DNAH6: variants seen among roughly 807,000 people sequenced by gnomAD.
DNAH6 encodes axonemal beta dynein heavy chain 6.
Under a neutral mutation model 491.4 loss-of-function variants are expected in DNAH6, and 340 were observed. That is an observed-to-expected ratio of 0.69 (90% CI 0.63 to 0.76). DNAH6 has a LOEUF of 0.76. Ranked by LOEUF, DNAH6 falls within the 30% of genes least tolerant of loss-of-function variation. The pLI is 0.00. For synonymous variants in DNAH6, 1,603 were observed against 1,686.1 expected (o/e 0.95, Z 1.21); for missense variants, 4,443 against 4,972.2 (o/e 0.89, Z 3.20).
upstream of DNAH6, among the ~76,000 whole-genome samples, chr2:84,513,562 A>T (rs1434243053): frequency 6.6e-6 from 1 of 152,176 alleles, no homozygotes; most frequent in Non-Finnish European, 1.5e-5. Flanking sequence ...TATTTTATGT[A>T]TTCTATATTT....
At chr2:84,514,372 C>T (rs1215714268), upstream of DNAH6, among the ~76,000 whole-genome samples, 1 of 152,100 alleles carries the variant, frequency 6.6e-6, no homozygotes, top group African/African-American at 2.4e-5. Flanking sequence ...GCCTCAATTT[C>T]CTATCTGTGG....
chr2:84,655,039 C>T (rs1690811080), intron 35 of DNAH6, among the ~76,000 whole-genome samples: 1 of 152,026 alleles, frequency 6.6e-6, no homozygotes, highest in South Asian at 2.1e-4. Flanking sequence ...CTGGCTTCTC[C>T]CCAGACTAGA....
intron 32 of DNAH6, 27 bp from the exon 33 acceptor site, chr2:84,641,920 T>A (rs1453298011): frequency 6.6e-7 from 1 of 1,518,882 alleles, no homozygotes; most frequent in East Asian, 2.5e-5. Flanking sequence ...TCTTGTGATA[T>A]TATCCGAAAT....
the DNAH6 span, among the ~76,000 whole-genome samples, chr2:84,492,781 A>G: frequency 6.6e-6 from 1 of 152,294 alleles, no homozygotes; most frequent in African/African-American, 2.4e-5. Context: ...GTGTGTCACT[A>G]TCTTCTTACC....
intron 61 of DNAH6, among the ~76,000 whole-genome samples, chr2:84,729,472 C>T (rs188986966): frequency 6.6e-6 from 1 of 152,274 alleles, no homozygotes; most frequent in African/African-American, 2.4e-5. Flanking sequence ...GCCTTATCAA[C>T]AGCTCTGCTT....
Position 84,552,923 on chromosome 2 carries a change from C to G in DNAH6, c.1491C>G (p.Thr497=), listed in dbSNP as rs1330560749. 5 of 1,602,348 alleles carry G rather than the reference C, an allele frequency of 3.1e-6. No individual in the cohort carries two copies. The highest frequency in any genetic ancestry group is 3.4e-6 in the Non-Finnish European group (4 of 1,171,450). The change falls in exon 10 of 77, where the codon ACC becomes ACG. Residue 497 remains threonine (T), a synonymous_variant. Transcript: ENST00000389394. The part of the protein sequence containing the change: ...EKPEVPDKKG[T]LMVEKQEEDE... ...TGTACATATATTCATTTCAGGGGAC[C>G]CTTATGGTGGAAAAGCAAGAAGAAG...
intron 37 of DNAH6, 30 bp downstream of exon 37, chr2:84,659,199 TA>T (rs1691248596): frequency 8.4e-7 from 1 of 1,191,846 alleles, no homozygotes; most frequent in Non-Finnish European, 1.1e-6. Context: ...TATTTTAACA[TA>T]ATAATTCTGA....
At chr2:84,677,459 A>G (rs1693354042) in intron 41 of DNAH6, among the ~76,000 whole-genome samples, 2 of 152,152 alleles carry the variant, frequency 1.3e-5, no homozygotes, top group South Asian at 4.1e-4. Flanking sequence ...ATCACTACCC[A>G]GCCCCTGCCT....
Position 84,784,793 on chromosome 2 carries a change from C to T in DNAH6, c.10936C>T (p.Leu3646Phe). 1 of 1,548,760 alleles carries T rather than the reference C, an allele frequency of 6.5e-7. No individual in the cohort carries two copies. Among genetic ancestry groups the T allele is most frequent in the Non-Finnish European group, 8.7e-7 (1 of 1,144,638 alleles). Residue 3646 changes from leucine to phenylalanine, a missense_variant, in exon 66 of 77, where the codon CTT becomes TTT. Leu to Phe is a conservative substitution (Grantham distance 22, BLOSUM62 0). Transcript: ENST00000389394. ...TAGTAATACATTTCCTGTTACAGTT[C>T]TTCAAAATTCTGTCAAGGTAATGTA... is the stretch of plus-strand genomic sequence containing the variant. ...MPSNTFPVTV[L>F]QNSVKVTNEP...
chr2:84,787,520 T>C (rs1677325328), intron 68 of DNAH6, among the ~76,000 whole-genome samples: 1 of 137,334 alleles, frequency 7.3e-6, no homozygotes, highest in African/African-American at 2.9e-5. Flanking sequence ...GCTTTCTCAA[T>C]AATAATAATA....
Position 84,579,540 on chromosome 2 carries a change from T to C in DNAH6, c.2090T>C (p.Met697Thr). 1 of 1,613,882 alleles carries C rather than the reference T, an allele frequency of 6.2e-7. No individual in the cohort carries two copies. The highest frequency in any genetic ancestry group is 1.1e-5 in the South Asian group (1 of 91,030). Reference sequence around the variant, plus strand: ...TTTCTTTCTTAGGTGCTAAATTTTATGCTTCCTCGTCAAAGCAAGAAAAAA... The same window carrying C: ...TTTCTTTCTTAGGTGCTAAATTTTACGCTTCCTCGTCAAAGCAAGAAAAAA... Reference protein sequence around the residue: ...PLRCLEVLNFMLPRQSKKKVD... With the variant: ...PLRCLEVLNFTLPRQSKKKVD... Residue 697 changes from methionine to threonine, a missense_variant, in exon 14 of 77, where the codon ATG becomes ACG. This residue lies in a region of DNAH6 where 2,977 missense variants were observed against 3,296.6 expected (regional missense o/e 0.90). Transcript: ENST00000389394.
chr2:84,803,836 G>A lies in DNAH6; in HGVS notation c.11482-1829G>A, dbSNP rs116341212. Among the ~76,000 whole-genome samples the A allele has an allele frequency of 3.3e-3, 507 of 152,074 alleles. 1 individual carries two copies. The highest frequency in any genetic ancestry group is 0.011 in the African/African-American group (462 of 41,472). On this transcript the variant is annotated intron_variant, in intron 70 of 76. Transcript: ENST00000389394. ...TGGTAATACCCAGTTTTAAAATATC[G>A]CCTCTACTTAATCTATCATTTAAAG... is the stretch of plus-strand genomic sequence containing the variant.
At chr2:84,539,635 C>G (rs1250427017) in intron 4 of DNAH6, among the ~76,000 whole-genome samples, 3 of 152,096 alleles carry the variant, frequency 2.0e-5, no homozygotes, top group Non-Finnish European at 4.4e-5. Context: ...GATGGTTAAA[C>G]CCCTAGATGA....
intron 37 of DNAH6, among the ~76,000 whole-genome samples, chr2:84,668,205 G>A (rs1220432592): frequency 6.6e-6 from 1 of 152,074 alleles, no homozygotes; most frequent in African/African-American, 2.4e-5. Flanking sequence ...AAACTTGCAC[G>A]TTGTGCACAT....
At chr2:84,484,105 C>G in the DNAH6 span, among the ~76,000 whole-genome samples, 2 of 152,158 alleles carry the variant, frequency 1.3e-5, no homozygotes, top group Admixed American at 1.3e-4. Context: ...TCTTGCTAAG[C>G]TGACCCTTTC....
chr2:84,720,235 A>G (rs1394614305), intron 59 of DNAH6, among the ~76,000 whole-genome samples: 2 of 84,442 alleles, frequency 2.4e-5, no homozygotes, highest in African/African-American at 8.9e-5. Flanking sequence ...ACCAATTCTT[A>G]TTTTAAGCCC....
At chr2:84,556,236 C>T (rs4832093) in intron 10 of DNAH6, among the ~76,000 whole-genome samples, 124,450 of 152,200 alleles carry the variant, frequency 0.82, 53,467 homozygotes, top group East Asian at 0.99. Flanking sequence ...TCAAATTTAC[C>T]TTGGAAGTTG....
intron 64 of DNAH6, among the ~76,000 whole-genome samples, chr2:84,778,620 C>G (rs1676381530): frequency 1.3e-5 from 2 of 151,928 alleles, no homozygotes. Flanking sequence ...CCCTCCTGTA[C>G]CTCCCAAGTA....
intron 26 of DNAH6, 104 bp from the exon 27 acceptor site, chr2:84,624,161 G>T: frequency 9.8e-7 from 1 of 1,022,620 alleles, no homozygotes; most frequent in Non-Finnish European, 1.4e-6. Flanking sequence ...CTTAAAATTA[G>T]CTGGTTTTTA....
Sources: allele counts gnomAD v4.1 joint callset (sites outside exome capture counted in the v4.1 genomes callset), GRCh38; gene constraint gnomAD v4.1.1; regional missense constraint gnomAD v4.1.1; transcripts MANE v1.5; gene names NCBI Gene and HGNC (gene_info 2026-07-23, HGNC 2026-07-21).